The following APC variants were observed in gnomAD, a reference collection of about 807,000 sequenced individuals.
APC encodes APC regulator of Wnt signaling pathway.
A neutral mutation model predicts 247.0 loss-of-function variants in APC; 72 were observed. The observed-to-expected ratio is 0.29, with a 90% CI of 0.24 to 0.35. APC has a LOEUF of 0.35. Among genes scored for constraint, APC ranks in the 10% least tolerant of loss-of-function variants. The pLI, the probability that APC is intolerant of heterozygous loss-of-function variation, is 1.00. For missense variants in APC, 3,400 were observed against 3,360.7 expected (o/e 1.01, Z -0.29); for synonymous variants, 1,254 against 1,162.5 (o/e 1.08, Z -1.60).
rs2149886840 is a variant in APC, at chr5:112,838,800, G to T, written c.3206G>T (p.Arg1069Met). ...EIKQSEQRQSRNQSTTYPVYT... is the reference protein window; with the variant it reads ...EIKQSEQRQSMNQSTTYPVYT... The stretch of plus-strand genomic sequence containing the variant: ...AAACAAAGTGAGCAAAGACAATCAA[G>T]GAATCAAAGTACAACTTATCCTGTT... Residue 1069 changes from arginine to methionine, a missense_variant, in exon 16 of 16, where the codon AGG (arginine) becomes ATG (methionine). This residue lies in a region of APC where 715 missense variants were observed against 656.6 expected (regional missense o/e 1.09). Coordinates refer to ENST00000257430, the MANE Select transcript of APC (RefSeq NM_000038.6). The T allele has an allele frequency of 6.2e-7, 1 of 1,614,100 alleles. No individual in the cohort carries two copies. Among genetic ancestry groups the T allele is most frequent in the Non-Finnish European group, 8.5e-7 (1 of 1,180,020 alleles).
At chr5:112,775,468 G>C (rs1202001410) in intron 4 of APC, among the ~76,000 whole-genome samples, 161 bp from the exon 5 acceptor site, 1 of 151,962 alleles carries the variant, frequency 6.6e-6, no homozygotes, top group Non-Finnish European at 1.5e-5. Flanking sequence ...AATATTCTAA[G>C]TCCTACCTTT....
chr5:112,812,226 G>A (rs879326323), intron 8 of APC, among the ~76,000 whole-genome samples: 2 of 152,164 alleles, frequency 1.3e-5, no homozygotes, highest in Admixed American at 6.5e-5. Context: ...AATACCAGGA[G>A]GCAAAGATCT....
chr5:112,748,287 AAG>A (rs1280103517), intron 1 of APC, among the ~76,000 whole-genome samples: 14 of 152,168 alleles, frequency 9.2e-5, no homozygotes, highest in Non-Finnish European at 1.5e-4. Flanking sequence ...AGGGAAGAGA[AAG>A]AGAAATAGAA....
At chr5:112,759,042 T>G (rs557088985) in intron 2 of APC, among the ~76,000 whole-genome samples, 98 of 152,352 alleles carry the variant, frequency 6.4e-4, no homozygotes, top group Non-Finnish European at 1.3e-3. Flanking sequence ...TTTACATCTT[T>G]GTTGTAGTTT....
intron 1 of APC, among the ~76,000 whole-genome samples, chr5:112,732,586 T>C (rs1167281809): frequency 6.6e-6 from 1 of 152,264 alleles, no homozygotes; most frequent in South Asian, 2.1e-4. Flanking sequence ...TGCGGGTTAA[T>C]TTAAAATCAC....
At chr5:112,768,043 CTTTTTTT>C (rs761163996) in intron 4 of APC, among the ~76,000 whole-genome samples, 1 of 133,230 alleles carries the variant, frequency 7.5e-6, no homozygotes, top group Non-Finnish European at 1.6e-5. Flanking sequence ...AAGACTCTTT[CTTTTTTT>C]TTTTTTTTTT....
chr5:112,833,243 C>T (rs1180997447), intron 14 of APC, among the ~76,000 whole-genome samples: 1 of 147,152 alleles, frequency 6.8e-6, no homozygotes, highest in Non-Finnish European at 1.5e-5. Flanking sequence ...AGTATAGTGG[C>T]GCAATCTCGG....
intron 15 of APC, among the ~76,000 whole-genome samples, chr5:112,835,998 A>G (rs914714386): frequency 5.4e-5 from 8 of 148,086 alleles, no homozygotes; most frequent in African/African-American, 1.7e-4. Flanking sequence ...TATCAACAAA[A>G]ATACAACTGT....
At chr5:112,837,245 T>A (rs1008554984) in intron 15 of APC, among the ~76,000 whole-genome samples, 1 of 152,162 alleles carries the variant, frequency 6.6e-6, no homozygotes, top group Admixed American at 6.5e-5. Context: ...GTTTTTAAAT[T>A]GGGAAACTGT....
chr5:112,748,144 C>T (rs1167279137), intron 1 of APC, among the ~76,000 whole-genome samples: 2 of 152,092 alleles, frequency 1.3e-5, no homozygotes, highest in African/African-American at 4.8e-5. Flanking sequence ...TTGAGACCTG[C>T]CCACACGTGG....
chr5:112,777,005 T>A (rs1316086397), intron 5 of APC, among the ~76,000 whole-genome samples: 1 of 152,204 alleles, frequency 6.6e-6, no homozygotes, highest in Admixed American at 6.5e-5. Context: ...ATTTTAGAAA[T>A]TTTGCAAACC....
At chr5:112,806,506 T>A (rs1761397145) in intron 8 of APC, among the ~76,000 whole-genome samples, 1 of 152,188 alleles carries the variant, frequency 6.6e-6, no homozygotes, top group South Asian at 2.1e-4. Flanking sequence ...CCCTGCTTGC[T>A]TAGCATATAA....
chr5:112,834,010 G>C (rs1764589021), intron 14 of APC, among the ~76,000 whole-genome samples: 1 of 151,676 alleles, frequency 6.6e-6, no homozygotes, highest in African/African-American at 2.4e-5. Flanking sequence ...TGAGTGCAGT[G>C]GCGCGATCAT....
At chr5:112,816,505 T>A (rs892742017) in intron 9 of APC, among the ~76,000 whole-genome samples, 1 of 152,234 alleles carries the variant, frequency 6.6e-6, no homozygotes, top group Non-Finnish European at 1.5e-5. Flanking sequence ...AGAAAATAGT[T>A]ACTTTAAGCC....
chr5:112,815,093 A>C (rs916012166), intron 8 of APC, among the ~76,000 whole-genome samples: 1 of 152,220 alleles, frequency 6.6e-6, no homozygotes, highest in African/African-American at 2.4e-5. Context: ...ATCTTAGAGA[A>C]CTTGGACTGT....
rs1554074769 is a variant in APC, at chr5:112,792,493, A to G, written c.693A>G (p.Ile231Met). ...IQQIEKDILR[I>M]RQLLQSQATE... Reference sequence around the variant, plus strand: ...AAATCGAAAAGGACATACTTCGTATACGACAGCTTTTACAGTCCCAAGCAA... The same window carrying G: ...AAATCGAAAAGGACATACTTCGTATGCGACAGCTTTTACAGTCCCAAGCAA... The change falls in exon 7 of 16, where the codon ATA becomes ATG. Residue 231 changes from isoleucine (I) to methionine (M), a missense_variant. By Grantham distance (10) the Ile-to-Met change is conservative. Coordinates refer to ENST00000257430, the MANE Select transcript of APC (RefSeq NM_000038.6). 1.9e-6 allele frequency: 3 copies of G among 1,612,830 alleles called. No homozygotes were observed. Among genetic ancestry groups the G allele is most frequent in the Non-Finnish European group, 2.5e-6 (3 of 1,179,258 alleles).
chr5:112,836,685 G>T (rs1764980941), intron 15 of APC, among the ~76,000 whole-genome samples: 1 of 152,034 alleles, frequency 6.6e-6, no homozygotes, highest in Non-Finnish European at 1.5e-5. Context: ...CACACAGTCT[G>T]CCAAAGAGCA....
intron 8 of APC, among the ~76,000 whole-genome samples, chr5:112,814,606 G>A (rs1158455304): frequency 2.0e-5 from 3 of 152,082 alleles, no homozygotes; most frequent in African/African-American, 4.8e-5. Context: ...TGTGCCCTCA[G>A]AACCACTCAA....
At chr5:112,734,187 C>T (rs1331255929), upstream of APC, among the ~76,000 whole-genome samples, 1 of 151,980 alleles carries the variant, frequency 6.6e-6, no homozygotes, top group African/African-American at 2.4e-5. Context: ...AGCAAGACCT[C>T]GTCCCTGAAA....
Sources: gnomAD v4.1 joint callset for allele counts (sites outside exome capture counted in the v4.1 genomes callset) on GRCh38, gnomAD v4.1.1 for gene constraint, gnomAD v4.1.1 regional missense constraint, MANE v1.5 for transcripts, NCBI Gene and HGNC (gene_info 2026-07-23, HGNC 2026-07-21) for gene names.